The following DAGLB variants were observed in gnomAD, a reference collection of about 807,000 sequenced individuals.
DAGLB encodes the protein diacylglycerol lipase beta, also known as diacylglycerol lipase-beta.
In DAGLB, 66 loss-of-function variants were observed where a neutral mutation model predicts 72.1. The ratio of observed to expected loss-of-function variants is 0.92; its 90% CI spans 0.75 to 1.12. The LOEUF is 1.12. Ranked by LOEUF, DAGLB falls within the 50% of genes most tolerant of loss-of-function variation. DAGLB has a pLI of 0.00. For synonymous variants in DAGLB, 414 were observed against 359.5 expected (o/e 1.15, Z -1.71); for missense variants, 1,065 against 884.9 (o/e 1.20, Z -2.58).
At chr7:6,443,191 A>G (rs1191099426) in intron 2 of DAGLB, among the ~76,000 whole-genome samples, 1 of 149,276 alleles carries the variant, frequency 6.7e-6, no homozygotes, top group Admixed American at 6.8e-5. Context: ...TCCATCCGGA[A>G]AAAAAAAACA....
chr7:6,435,876 G>A (rs1005364592), intron 3 of DAGLB, among the ~76,000 whole-genome samples: 2 of 152,182 alleles, frequency 1.3e-5, no homozygotes, highest in African/African-American at 2.4e-5. Flanking sequence ...AGAACAGAGG[G>A]TGTTAAGGGG....
intron 13 of DAGLB, among the ~76,000 whole-genome samples, chr7:6,411,684 CTGA>C (rs938182883): frequency 8.5e-5 from 13 of 152,102 alleles, no homozygotes; most frequent in African/African-American, 3.1e-4. Flanking sequence ...TTTCTTCTTT[CTGA>C]TTAGGAACAA....
Position 6,445,988 on chromosome 7 carries a change from C to G in DAGLB, c.212G>C (p.Cys71Ser), listed in dbSNP as rs199982864. 1 of 1,612,900 alleles carries G rather than the reference C, an allele frequency of 6.2e-7. No individual in the cohort carries two copies. The highest frequency in any genetic ancestry group is 8.5e-7 in the Non-Finnish European group (1 of 1,179,634). The change falls in exon 2 of 15, where the codon TGT becomes TCT. Residue 71 changes from cysteine to serine, a missense_variant. Physicochemically the swap from Cys to Ser is moderately radical, Grantham distance 112. Transcript: ENST00000297056. ...VLMILLAVVICTVSAIMCVSM... is the reference protein window; with the variant it reads ...VLMILLAVVISTVSAIMCVSM... Reference sequence around the variant, plus strand: ...GACACACATGATGGCTGACACAGTACATATGACAACTGCCAGGAGAATCAT... The same window carrying G: ...GACACACATGATGGCTGACACAGTAGATATGACAACTGCCAGGAGAATCAT...
chr7:6,419,035 T>A (rs781282584), intron 9 of DAGLB, among the ~76,000 whole-genome samples: 7 of 151,504 alleles, frequency 4.6e-5, no homozygotes, highest in Admixed American at 2.0e-4. Flanking sequence ...TATAAGAAAA[T>A]TTTTAAAAAG....
At chr7:6,412,291 A>G (rs886669486) in intron 13 of DAGLB, among the ~76,000 whole-genome samples, 5 of 152,170 alleles carry the variant, frequency 3.3e-5, no homozygotes, top group African/African-American at 1.2e-4. Context: ...ACTGCATGAT[A>G]TCCACAGTGT....
chr7:6,423,906 G>A (rs1784216857), intron 8 of DAGLB, among the ~76,000 whole-genome samples: 1 of 152,192 alleles, frequency 6.6e-6, no homozygotes, highest in Non-Finnish European at 1.5e-5. Flanking sequence ...GACGATGGCA[G>A]AGCTGACGTG....
At chr7:6,442,616 C>T (rs994682785) in intron 2 of DAGLB, among the ~76,000 whole-genome samples, 64 of 152,312 alleles carry the variant, frequency 4.2e-4, no homozygotes, top group African/African-American at 1.5e-3. Context: ...AGCTTCCCAG[C>T]GCTGAAGCCA....
rs1167566310 is a variant in DAGLB at position 6,416,919 on chromosome 7, A to G, written c.1221T>C (p.Gly407=). 4.3e-6 allele frequency: 7 copies of G among 1,614,136 alleles called. No homozygotes were observed. The highest frequency in any genetic ancestry group is 5.1e-6 in the Non-Finnish European group (6 of 1,180,018). Residue 407 remains glycine, a splice_region_variant and synonymous_variant, in exon 10 of 15, where the codon GGT becomes GGC. Coordinates refer to ENST00000297056, the MANE Select transcript of DAGLB (RefSeq NM_139179.4). The part of the protein sequence containing the change: ...CEVQDRLAHK[G]ISQAARYVYQ... ...AAACGTATCTGGCAGCTTGAGAAAT[A>G]CCCTAAAAACACAGACAAAGAAGGT... is the stretch of plus-strand genomic sequence containing the variant.
intron 6 of DAGLB, among the ~76,000 whole-genome samples, 198 bp downstream of exon 6, chr7:6,430,282 T>TATATATATATATATATGC (rs1583294090): frequency 9.5e-6 from 1 of 105,798 alleles, no homozygotes; most frequent in African/African-American, 3.7e-5. Flanking sequence ...TATATATATA[T>TATATATATATATATATGC]GCAGGGGGGA....
intron 11 of DAGLB, among the ~76,000 whole-genome samples, chr7:6,414,325 TC>T (rs1449750892): frequency 2.0e-5 from 3 of 147,652 alleles, no homozygotes; most frequent in Non-Finnish European, 4.5e-5. Context: ...TTTTTTTTTT[TC>T]TTTTGAGACG....
intron 9 of DAGLB, among the ~76,000 whole-genome samples, chr7:6,418,465 C>T (rs192768559): frequency 1.3e-5 from 2 of 152,204 alleles, no homozygotes; most frequent in East Asian, 3.9e-4. Context: ...AAAAGAAAAG[C>T]AGTGCCAGGG....
rs1783926603 is a variant in DAGLB, at chr7:6,416,646, G to A, written c.1408C>T (p.Pro470Ser). The stretch of plus-strand genomic sequence containing the variant: ...GCTCACCTCCACAGCCCCCGGGGTG[G>A]GGAGAAGGCGTAGCACCTGACCTGC... ...YPQVRCYAFSPPRGLWSKALQ... is the reference protein window; with the variant it reads ...YPQVRCYAFSSPRGLWSKALQ... The change falls in exon 11 of 15, where the codon CCA (proline) becomes TCA (serine). Residue 470 changes from proline to serine, a missense_variant. Transcript: ENST00000297056. The A allele has an allele frequency of 1.2e-6, 2 of 1,611,056 alleles. No individual in the cohort carries two copies. The highest frequency in any genetic ancestry group is 1.7e-6 in the Non-Finnish European group (2 of 1,178,260).
chr7:6,420,621 T>TG (rs1292375657), intron 9 of DAGLB, among the ~76,000 whole-genome samples: 1 of 151,978 alleles, frequency 6.6e-6, no homozygotes, highest in East Asian at 1.9e-4. Context: ...GTTAGGGGTG[T>TG]GGGACTGGAC....
intron 13 of DAGLB, 69 bp from the exon 14 acceptor site, chr7:6,410,449 C>A: frequency 6.5e-7 from 1 of 1,528,578 alleles, no homozygotes; most frequent in East Asian, 2.3e-5. Context: ...CCCGAAACAC[C>A]AAGGCGGACC....
At chr7:6,413,454 G>A (rs1783801326) in intron 11 of DAGLB, among the ~76,000 whole-genome samples, 1 of 151,976 alleles carries the variant, frequency 6.6e-6, no homozygotes, top group Non-Finnish European at 1.5e-5. Context: ...CACGGTAAAA[G>A]CCCGTCTCTA....
At chr7:6,411,635 T>G (rs916123883) in intron 13 of DAGLB, among the ~76,000 whole-genome samples, 1 of 151,996 alleles carries the variant, frequency 6.6e-6, no homozygotes, top group Admixed American at 6.6e-5. Flanking sequence ...AAGAAAAAAC[T>G]GGGGGAGGTA....
At chr7:6,420,703 G>C (rs1223290761) in intron 9 of DAGLB, among the ~76,000 whole-genome samples, 1 of 144,814 alleles carries the variant, frequency 6.9e-6, no homozygotes, top group Non-Finnish European at 1.5e-5. Flanking sequence ...CAGTGAAACT[G>C]ACCAATGTGT....
At chr7:6,441,159 C>T (rs1296929682) in intron 2 of DAGLB, among the ~76,000 whole-genome samples, 1 of 149,914 alleles carries the variant, frequency 6.7e-6, no homozygotes, top group Non-Finnish European at 1.5e-5. Context: ...GGCGCGATCT[C>T]GGCTCACTGC....
chr7:6,429,280 A>G (rs994336706), intron 6 of DAGLB, among the ~76,000 whole-genome samples: 1 of 152,090 alleles, frequency 6.6e-6, no homozygotes, highest in East Asian at 1.9e-4. Flanking sequence ...AAATCTAATC[A>G]TGGGGAAACC....
Sources: gnomAD v4.1 joint callset for allele counts (sites outside exome capture counted in the v4.1 genomes callset) on GRCh38, gnomAD v4.1.1 for gene constraint, MANE v1.5 for transcripts, NCBI Gene and HGNC (gene_info 2026-07-23, HGNC 2026-07-21) for gene names.